GRHL2: variants seen among roughly 807,000 people sequenced by gnomAD.
GRHL2 encodes the protein grainyhead like transcription factor 2, also known as grainyhead-like protein 2 homolog.
A neutral mutation model predicts 83.8 loss-of-function variants in GRHL2; 21 were observed. The ratio of observed to expected loss-of-function variants is 0.25; its 90% CI spans 0.18 to 0.36. GRHL2 has a LOEUF of 0.36. Ranked by LOEUF, GRHL2 falls within the 10% of genes least tolerant of loss-of-function variation. The pLI is 1.00. For missense variants in GRHL2, 623 were observed against 781.8 expected, an observed-to-expected ratio of 0.80 and a Z score of 2.42; for synonymous variants, 280 against 278.9, an observed-to-expected ratio of 1.00 and a Z score of -0.04.
At chr8:101,624,770 GAC>G (rs2130382690) in intron 9 of GRHL2, among the ~76,000 whole-genome samples, 1 of 152,234 alleles carries the variant, frequency 6.6e-6, no homozygotes, top group South Asian at 2.1e-4. Flanking sequence ...TAACTCAATA[GAC>G]ACAGTTGAAT....
At position 101,667,314 on chromosome 8, in the gene GRHL2, CAG is replaced by C. The variant is rs1814092059; in HGVS notation, c.*613_*614del. 1.2e-5 allele frequency: 2 copies of C among 172,172 alleles called. No individual in the cohort carries two copies. The highest frequency in any genetic ancestry group is 4.7e-5 in the African/African-American group (2 of 42,338). The allele number at this position is 172,172 out of a possible 1,614,324, so 10.7% of individuals were successfully genotyped here. A position where few individuals can be genotyped will look rare whatever the true frequency, so the allele number is the denominator to read the frequency against. On this transcript the variant is annotated 3_prime_UTR_variant, in exon 16 of 16. Transcript: ENST00000646743. ...TTCAGTCACCGTGTAATTAGTAACA[CAG>C]AAAGTCTGCCTGTCTGCATTGTACA... is the stretch of plus-strand genomic sequence containing the variant.
chr8:101,630,885 A>T (rs1813173240), intron 9 of GRHL2, among the ~76,000 whole-genome samples: 1 of 152,196 alleles, frequency 6.6e-6, no homozygotes, highest in Non-Finnish European at 1.5e-5. Context: ...AAGATAGGGC[A>T]TCATTATAGG....
chr8:101,652,602 T>TATGTGTGTATGTGTG (rs1813694668), intron 14 of GRHL2, among the ~76,000 whole-genome samples: 2 of 87,230 alleles, frequency 2.3e-5, no homozygotes, highest in African/African-American at 1.6e-4. Flanking sequence ...GTGTGTGTGG[T>TATGTGTGTATGTGTG]GTGTGTGTGT....
In GRHL2 at chr8:101,573,737, C is replaced by T. The variant is rs55682875; in HGVS notation, c.804C>T (p.Thr268=). 8.4e-4 allele frequency: 1,353 copies of T among 1,614,170 alleles called. No individual in the cohort carries two copies. The highest frequency in any genetic ancestry group is 9.6e-4 in the Non-Finnish European group (1,132 of 1,180,020). The part of the protein sequence containing the change: ...LRQKQGEGPM[T]YLNKGQFYAI... The stretch of plus-strand genomic sequence containing the variant: ...AGAAGCAGGGGGAGGGCCCCATGAC[C>T]TACCTCAACAAAGGACAGTTCTATG... Residue 268 remains threonine, a synonymous_variant, in exon 6 of 16, where the codon ACC becomes ACT. Coordinates refer to ENST00000646743, the MANE Select transcript of GRHL2 (RefSeq NM_024915.4).
In GRHL2 at chr8:101,492,769, C is replaced by T. The variant is rs1219608136; in HGVS notation, c.-1C>T. ...AGCGGAGCAAGTTCATTGGATCAAA[C>T]ATGTCACAAGAGTCGGACAAGTAAG... On this transcript the variant is annotated 5_prime_UTR_variant, in exon 1 of 16. Coordinates refer to ENST00000646743, the MANE Select transcript of GRHL2 (RefSeq NM_024915.4). 1.9e-6 allele frequency: 3 copies of T among 1,613,876 alleles called. No homozygotes were observed. In the South Asian group the frequency reaches 3.3e-5, roughly 18 times the overall value.
At chr8:101,543,996 A>G (rs1204883401) in intron 2 of GRHL2, 1 of 172,834 alleles carries the variant, frequency 5.8e-6, no homozygotes, top group Admixed American at 5.8e-5. Context: ...AGATCTTGTG[A>G]GACTTATTCG....
the GRHL2 span, among the ~76,000 whole-genome samples, chr8:101,675,768 A>G: frequency 2.6e-5 from 4 of 152,176 alleles, no homozygotes; most frequent in East Asian, 7.7e-4. Flanking sequence ...CCTAAGCCGA[A>G]AGAACAAAGC....
At chr8:101,599,805 T>C (rs573230315) in intron 8 of GRHL2, among the ~76,000 whole-genome samples, 1 of 152,348 alleles carries the variant, frequency 6.6e-6, no homozygotes, top group South Asian at 2.1e-4. Flanking sequence ...GAGTCATTGA[T>C]ACCTAGATTT....
intron 8 of GRHL2, among the ~76,000 whole-genome samples, chr8:101,613,630 C>T (rs910279876): frequency 7.9e-5 from 12 of 151,012 alleles, no homozygotes; most frequent in African/African-American, 3.0e-4. Context: ...AAATACAATC[C>T]TATCAAAGTG....
At chr8:101,616,557 T>C (rs1222490248) in intron 8 of GRHL2, among the ~76,000 whole-genome samples, 3 of 152,220 alleles carry the variant, frequency 2.0e-5, no homozygotes, top group Non-Finnish European at 4.4e-5. Flanking sequence ...TTTTCTTTAC[T>C]GTTCCTCAGT....
chr8:101,584,645 G>C (rs1812125815), intron 7 of GRHL2, among the ~76,000 whole-genome samples: 1 of 152,226 alleles, frequency 6.6e-6, no homozygotes, highest in Non-Finnish European at 1.5e-5. Flanking sequence ...GGCTTTGGAT[G>C]AGCCCTACAA....
intron 4 of GRHL2, among the ~76,000 whole-genome samples, chr8:101,563,236 C>T (rs914705188): frequency 3.3e-5 from 5 of 152,164 alleles, no homozygotes; most frequent in Non-Finnish European, 7.4e-5. Flanking sequence ...AAATCCTTAA[C>T]CATATGACTA....
chr8:101,665,563 T>G (rs1226353049), intron 15 of GRHL2, among the ~76,000 whole-genome samples: 1 of 152,174 alleles, frequency 6.6e-6, no homozygotes, highest in Non-Finnish European at 1.5e-5. Context: ...GGTGTATTAC[T>G]GACAGTGAGA....
intron 7 of GRHL2, among the ~76,000 whole-genome samples, chr8:101,578,780 T>C (rs944899122): frequency 2.2e-4 from 33 of 152,172 alleles, no homozygotes; most frequent in African/African-American, 8.0e-4. Context: ...AATGAGGACT[T>C]TTCAGATCTT....
chr8:101,531,910 G>A (rs1810937183), intron 1 of GRHL2, among the ~76,000 whole-genome samples: 1 of 152,094 alleles, frequency 6.6e-6, no homozygotes, highest in Admixed American at 6.6e-5. Context: ...AATTTCAATG[G>A]ACATAAATTT....
At chr8:101,582,024 A>T (rs1200602586) in intron 7 of GRHL2, among the ~76,000 whole-genome samples, 1 of 152,182 alleles carries the variant, frequency 6.6e-6, no homozygotes, top group Admixed American at 6.5e-5. Flanking sequence ...GATCACTTGA[A>T]GCAGAAAGTT....
chr8:101,583,208 T>A (rs1586117983), intron 7 of GRHL2, among the ~76,000 whole-genome samples: 1 of 152,198 alleles, frequency 6.6e-6, no homozygotes, highest in East Asian at 1.9e-4. Context: ...GATATCTGTA[T>A]TTCAGGGAGG....
intron 2 of GRHL2, among the ~76,000 whole-genome samples, chr8:101,547,449 T>C (rs1407653006): frequency 6.6e-6 from 1 of 151,952 alleles, no homozygotes; most frequent in Non-Finnish European, 1.5e-5. Flanking sequence ...CAGGGAGGAG[T>C]TCATGAGCTA....
chr8:101,546,935 A>G (rs968665022), intron 2 of GRHL2, among the ~76,000 whole-genome samples: 1 of 152,250 alleles, frequency 6.6e-6, no homozygotes, highest in African/African-American at 2.4e-5. Flanking sequence ...AGCCAAGTCT[A>G]GAACTCCTTC....
Sources: gnomAD v4.1 joint callset for allele counts (sites outside exome capture counted in the v4.1 genomes callset) on GRCh38, gnomAD v4.1.1 for gene constraint, MANE v1.5 for transcripts, NCBI Gene and HGNC (gene_info 2026-07-23, HGNC 2026-07-21) for gene names.